The following LAT2 variants were observed in gnomAD, a reference collection of about 807,000 sequenced individuals.
LAT2 encodes linker for activation of T cells family member 2, also known as linker for activation of T-cells family member 2.
Under a neutral mutation model 43.4 loss-of-function variants are expected in LAT2, and 23 were observed. The ratio of observed to expected loss-of-function variants is 0.53; its 90% confidence interval spans 0.38 to 0.75. The LOEUF (loss-of-function observed/expected upper bound fraction) is 0.75, where lower values mean the gene tolerates loss of function less well. Among genes scored for constraint, LAT2 ranks in the 30% least tolerant of loss-of-function variants. LAT2 has a pLI of 0.00. For synonymous variants in LAT2, 128 were observed against 123.2 expected (o/e 1.04, Z -0.26); for missense variants, 284 against 310.2 (o/e 0.92, Z 0.64).
chr7:74,212,968 G>A (rs1371871491), intron 1 of LAT2, among the ~76,000 whole-genome samples: 1 of 152,182 alleles, frequency 6.6e-6, no homozygotes, highest in Non-Finnish European at 1.5e-5. Flanking sequence ...GAGATTCCCT[G>A]TCATCTTACC....
At position 74,220,489 on chromosome 7, in the gene LAT2, C is replaced by T. The variant is rs928279047; in HGVS notation, c.266-95C>T. ...AGGGAGCACTGCAAAGGCTCAGACACGGGAAATAGCTGGCCCTGCCTTGGG... is the reference window on the plus strand; with the variant it reads ...AGGGAGCACTGCAAAGGCTCAGACATGGGAAATAGCTGGCCCTGCCTTGGG... On this transcript the variant is annotated intron_variant, in intron 7 of 13. Coordinates refer to ENST00000460943, the MANE Select transcript of LAT2 (RefSeq NM_032464.3). The surrounding 1 kb of genome is among the most constrained non-coding windows in gnomAD (Gnocchi z 4.5). The T allele has an allele frequency of 8.6e-5, 130 of 1,513,486 alleles. No individual in the cohort carries two copies. The highest frequency in any genetic ancestry group is 8.5e-4 in the South Asian group (75 of 87,736). The allele number at this position is 1,513,486 out of a possible 1,614,324, so 93.8% of individuals were successfully genotyped here.
chr7:74,224,759 A>C lies in LAT2; in HGVS notation c.*17A>C, dbSNP rs782814967. ...GAAGCCTAGGGCAGACCAAGAAGAA[A>C]GGTACAGCCCCTGCTCTCCAGCTGC... On this transcript the variant is annotated splice_region_variant and 3_prime_UTR_variant, in exon 13 of 14. Transcript: ENST00000460943. 1 of 1,556,388 alleles carries C rather than the reference A, an allele frequency of 6.4e-7. No homozygotes were observed.
rs200742563 is a variant in LAT2, at chr7:74,216,054, C to T, written c.79C>T (p.Arg27Cys). The part of the protein sequence containing the change: ...LLGVAASLCV[R>C]CSRPGAKRSE... ...GGGGGTGGCAGCCAGTCTGTGTGTG[C>T]GCTGCTCACGCCCAGGTAAGCGGGG... The change falls in exon 3 of 14, where the codon CGC (arginine) becomes TGC (cysteine). Residue 27 changes from arginine (R) to cysteine (C), a missense_variant. Physicochemically the swap from Arg to Cys is radical, Grantham distance 180. Coordinates refer to ENST00000460943, the MANE Select transcript of LAT2 (RefSeq NM_032464.3). 61 of 1,611,888 alleles carry T rather than the reference C, an allele frequency of 3.8e-5. 1 individual carries two copies. Among genetic ancestry groups the T allele is most frequent in the Non-Finnish European group, 4.7e-5 (55 of 1,179,220 alleles).
intron 13 of LAT2, chr7:74,225,212 G>A (rs1802443003): frequency 1.3e-5 from 2 of 156,690 alleles, no homozygotes; most frequent in African/African-American, 4.8e-5. Flanking sequence ...GGCCAACATG[G>A]TGAAACTTCA....
rs146432399 is a variant in LAT2 at position 74,221,844 on chromosome 7, G to T, written c.388+152G>T. The T allele has an allele frequency of 3.2e-3, 2,005 of 630,632 alleles. 9 individuals are homozygous for T. The highest frequency in any genetic ancestry group is 4.5e-3 in the Non-Finnish European group (1,612 of 361,206). The allele number at this position is 630,632 out of a possible 1,614,324, so 39.1% of individuals were successfully genotyped here. ...CAGAAGGAGGCTGGTGCTGCAGGCG[G>T]GGGCCAAGAAGGGATAGGGGGCGGG... On this transcript the variant is annotated intron_variant, in intron 10 of 13. Transcript: ENST00000460943.
chr7:74,219,942 A>G lies in LAT2; in HGVS notation c.179-18A>G. The G allele has an allele frequency of 6.2e-7, 1 of 1,613,396 alleles. No homozygotes were observed. Among genetic ancestry groups the G allele is most frequent in the Non-Finnish European group, 8.5e-7 (1 of 1,179,936 alleles). ...TAGCTGGGGGCCCAGCCAACACCCCACTTCTTGCCCTTTGTAGTGGTCGGG... is the reference window on the plus strand; with the variant it reads ...TAGCTGGGGGCCCAGCCAACACCCCGCTTCTTGCCCTTTGTAGTGGTCGGG... On this transcript the variant is annotated intron_variant, in intron 5 of 13. Coordinates refer to ENST00000460943, the MANE Select transcript of LAT2 (RefSeq NM_032464.3).
rs1554715687 is a variant in LAT2 at position 74,224,007 on chromosome 7, CCT to C, written c.449-6_449-5del. On this transcript the variant is annotated splice_polypyrimidine_tract_variant and intron_variant, in intron 11 of 13. Transcript: ENST00000460943. ...ACTGAGCCAAGGGGGGCCTATTCTC[CCT>C]CTCTGCAGGTGCCCAGCAGGAGGGC... 3.1e-6 allele frequency: 5 copies of C among 1,612,428 alleles called. No homozygotes were observed. The highest frequency in any genetic ancestry group is 3.4e-6 in the Non-Finnish European group (4 of 1,179,446).
intron 13 of LAT2, chr7:74,226,652 CA>C: frequency 6.6e-6 from 1 of 152,536 alleles, no homozygotes; most frequent in Non-Finnish European, 1.5e-5. Flanking sequence ...GAGACCCTGT[CA>C]AAACAACAAC....
In LAT2 at chr7:74,229,599, C is replaced by CAATA. The variant is rs1802615908; in HGVS notation, c.*675_*678dup. The CAATA allele has an allele frequency of 6.6e-6, 1 of 152,642 alleles. No homozygotes were observed. Among genetic ancestry groups the CAATA allele is most frequent in the Admixed American group, 6.5e-5 (1 of 15,282 alleles). 9.5% of individuals were successfully genotyped at this position (152,642 alleles called of 1,614,324 possible). ...CAGTGGAAATGTCACTTGCTACAGA[C>CAATA]AATAGTGCATGAGAGTCTAGAGAAG... On this transcript the variant is annotated 3_prime_UTR_variant, in exon 14 of 14. Transcript: ENST00000460943.
chr7:74,228,202 C>T (rs1404881869), intron 13 of LAT2, among the ~76,000 whole-genome samples: 24 of 133,668 alleles, frequency 1.8e-4, no homozygotes, highest in Non-Finnish European at 1.1e-4. Context: ...AAAAGCCAGG[C>T]GCGGTGGCTC....
At chr7:74,221,096 C>T (rs1419426125) in intron 9 of LAT2, among the ~76,000 whole-genome samples, 2 of 151,934 alleles carry the variant, frequency 1.3e-5, no homozygotes, top group Non-Finnish European at 2.9e-5. Flanking sequence ...GATGGGCAAA[C>T]GATGGGGAAT....
Position 74,220,830 on chromosome 7 carries a change from C to T in LAT2, c.332+96C>T, listed in dbSNP as rs1802245103. The T allele has an allele frequency of 6.4e-6, 7 of 1,092,748 alleles. No individual in the cohort carries two copies. In the Admixed American group the frequency reaches 2.0e-4, roughly 31 times the overall value. The allele number at this position is 1,092,748 out of a possible 1,614,324, so 67.7% of individuals were successfully genotyped here. The stretch of plus-strand genomic sequence containing the variant: ...CTCCCCCTGCCCCACCTGCCTGCCA[C>T]AGCCCTGGGCTTCCTGGTCCAGGAA... On this transcript the variant is annotated intron_variant, in intron 9 of 13. Coordinates refer to ENST00000460943, the MANE Select transcript of LAT2 (RefSeq NM_032464.3). The surrounding 1 kb of genome is among the most constrained non-coding windows in gnomAD (Gnocchi z 4.5).
In LAT2 at chr7:74,221,679, G is replaced by A. The variant is rs202080441; in HGVS notation, c.375G>A (p.Ser125=). 64 of 1,612,764 alleles carry A rather than the reference G, an allele frequency of 4.0e-5. No homozygotes were observed. The highest frequency in any genetic ancestry group is 5.4e-5 in the African/African-American group (4 of 74,710). ...AMEYYNWGRF[S]KPPEDDDANS... ...AGTATTACAACTGGGGGCGGTTCTCGAAGCCCCCAGAAGGTGAGGCGAAGG... is the reference window on the plus strand; with the variant it reads ...AGTATTACAACTGGGGGCGGTTCTCAAAGCCCCCAGAAGGTGAGGCGAAGG... The change falls in exon 10 of 14, where the codon TCG becomes TCA. Residue 125 remains serine (S), a synonymous_variant. Coordinates refer to ENST00000460943, the MANE Select transcript of LAT2 (RefSeq NM_032464.3).
intron 12 of LAT2, 24 bp downstream of exon 12, chr7:74,224,221 G>C (rs782517944): frequency 6.2e-7 from 1 of 1,608,184 alleles, no homozygotes; most frequent in East Asian, 2.2e-5. Context: ...AGAAGAGGCA[G>C]GGTGGTCCAC....
chr7:74,217,132 C>T (rs1396885402), intron 4 of LAT2, among the ~76,000 whole-genome samples: 1 of 152,156 alleles, frequency 6.6e-6, no homozygotes, highest in Non-Finnish European at 1.5e-5. Context: ...GTGAACCCCT[C>T]CAGAAGTCCA....
chr7:74,212,714 G>GGGGCACACCCC (rs1801772532), intron 1 of LAT2, among the ~76,000 whole-genome samples: 1 of 152,222 alleles, frequency 6.6e-6, no homozygotes, highest in African/African-American at 2.4e-5. Context: ...GGAGGGGTTG[G>GGGGCACACCCC]GGGTACACCC....
rs782393265 is a variant in LAT2 at position 74,220,641 on chromosome 7, G to C, written c.301+22G>C. 3 of 1,614,012 alleles carry C rather than the reference G, an allele frequency of 1.9e-6. No individual in the cohort carries two copies. The highest frequency in any genetic ancestry group is 3.3e-5 in the Admixed American group (2 of 60,020). On this transcript the variant is annotated intron_variant, in intron 8 of 13. Transcript: ENST00000460943. This position sits in a 1 kb window ranked among gnomAD's most constrained non-coding sequence, Gnocchi z 4.5. ...AAAGGTAGGTAGGCTCCTGGAGAAA[G>C]GGGGAGGCCATGGTGGGGGCCACAC...
Position 74,228,230 on chromosome 7 carries a change from AC to A in LAT2, c.*19-713del, listed in dbSNP as rs1281642797. Among the ~76,000 whole-genome samples, 10 of 144,162 alleles carry A rather than the reference AC, an allele frequency of 6.9e-5. No individual in the cohort carries two copies. In the Admixed American group the frequency reaches 7.2e-4, roughly 10 times the overall value. 94.6% of individuals were successfully genotyped at this position (144,162 alleles called of 152,430 possible). A position where few individuals can be genotyped will look rare whatever the true frequency, so the allele number is the denominator to read the frequency against. ...GGTGGCTCACGCCTGTAATCCCAGC[AC>A]TTTGGGAGGCTGAGGCGGGCGGATC... On this transcript the variant is annotated intron_variant, in intron 13 of 13. Coordinates refer to ENST00000460943, the MANE Select transcript of LAT2 (RefSeq NM_032464.3).
chr7:74,218,527 G>A (rs1164213867), intron 4 of LAT2, among the ~76,000 whole-genome samples: 2 of 152,168 alleles, frequency 1.3e-5, no homozygotes, highest in African/African-American at 4.8e-5. Flanking sequence ...ATTCCCAGCA[G>A]CAGGAAGAAA....
Sources: gnomAD v4.1 joint callset for allele counts (sites outside exome capture counted in the v4.1 genomes callset) on GRCh38, gnomAD v4.1.1 for gene constraint, Gnocchi (gnomAD v3.1) non-coding constraint, MANE v1.5 for transcripts, NCBI Gene and HGNC (gene_info 2026-07-23, HGNC 2026-07-21) for gene names.